Variants in RYR3 observed in about 807,000 individuals in gnomAD.
RYR3 encodes the protein brain ryanodine receptor-calcium release channel.
In RYR3, 207 loss-of-function variants were observed where a neutral mutation model predicts 584.3. The observed-to-expected ratio is 0.35, with a 90% confidence interval of 0.32 to 0.40. The LOEUF (loss-of-function observed/expected upper bound fraction) is 0.40, where lower values mean the gene tolerates loss of function less well. RYR3 is among the 10% of genes least tolerant of loss of function. RYR3 has a pLI of 1.00. For synonymous variants in RYR3, 2,416 were observed against 2,248.5 expected, an observed-to-expected ratio of 1.07 and a Z score of -2.11; for missense variants, 5,616 against 6,089.2, an observed-to-expected ratio of 0.92 and a Z score of 2.59.
chr15:33,694,075 A>C (rs2065646601), intron 38 of RYR3, among the ~76,000 whole-genome samples: 1 of 152,202 alleles, frequency 6.6e-6, no homozygotes, highest in Non-Finnish European at 1.5e-5. Flanking sequence ...GTAGACAGAC[A>C]CTGAAAGCCC....
intron 1 of RYR3, among the ~76,000 whole-genome samples, chr15:33,325,668 C>T (rs752675803): frequency 6.6e-6 from 1 of 151,360 alleles, no homozygotes; most frequent in African/African-American, 2.4e-5. Flanking sequence ...CTTTTCCTTT[C>T]CTGCCGCTTT....
At chr15:33,680,004 G>T (rs1444164770) in intron 38 of RYR3, among the ~76,000 whole-genome samples, 2 of 152,200 alleles carry the variant, frequency 1.3e-5, no homozygotes, top group South Asian at 4.1e-4. Flanking sequence ...TCAGGTAGAT[G>T]TGCTTAGATT....
At chr15:33,676,563 A>G (rs900575662) in intron 38 of RYR3, among the ~76,000 whole-genome samples, 7 of 152,244 alleles carry the variant, frequency 4.6e-5, no homozygotes, top group Admixed American at 2.0e-4. Context: ...GAGATGGTCA[A>G]GTGCATAATG....
intron 1 of RYR3, among the ~76,000 whole-genome samples, chr15:33,336,436 A>G (rs375779541): frequency 9.7e-4 from 17 of 17,498 alleles, no homozygotes; most frequent in South Asian, 2.3e-3. Flanking sequence ...GAAAGAAAGA[A>G]AGAAAGAGAG....
At chr15:33,645,335 A>G (rs577449448) in intron 28 of RYR3, among the ~76,000 whole-genome samples, 2 of 152,072 alleles carry the variant, frequency 1.3e-5, no homozygotes, top group South Asian at 2.1e-4. Flanking sequence ...GTGTTGATTT[A>G]AAAAAAATGC....
chr15:33,495,377 T>G (rs993968743), intron 2 of RYR3, among the ~76,000 whole-genome samples: 2 of 152,142 alleles, frequency 1.3e-5, no homozygotes, highest in Non-Finnish European at 2.9e-5. Context: ...ATTTAGGGTT[T>G]AAATGTTCAT....
chr15:33,470,231 T>C (rs1182842842), intron 1 of RYR3, among the ~76,000 whole-genome samples: 1 of 152,202 alleles, frequency 6.6e-6, no homozygotes, highest in Non-Finnish European at 1.5e-5. Context: ...TTGCTTATTA[T>C]TGCACCTTCT....
At chr15:33,368,216 C>A (rs980914596) in intron 1 of RYR3, among the ~76,000 whole-genome samples, 1 of 152,092 alleles carries the variant, frequency 6.6e-6, no homozygotes, top group African/African-American at 2.4e-5. Context: ...ACAAAAACAT[C>A]CCCACTGAGT....
chr15:33,722,952 A>G (rs2068059204), intron 44 of RYR3, 57 bp downstream of exon 44: 6 of 1,422,340 alleles, frequency 4.2e-6, no homozygotes, highest in Middle Eastern at 3.7e-4. Context: ...CTCAGATATT[A>G]TTGGTATACG....
intron 103 of RYR3, among the ~76,000 whole-genome samples, chr15:33,864,538 A>AATATGAAATAAGAAATTGTCT (rs1430871219): frequency 6.6e-6 from 1 of 152,220 alleles, no homozygotes; most frequent in Non-Finnish European, 1.5e-5. Flanking sequence ...AGTGAGAGAC[A>AATATGAAATAAGAAATTGTCT]GGCTAAGAAA....
At chr15:33,596,495 T>TTGGG (rs1460718397) in intron 16 of RYR3, among the ~76,000 whole-genome samples, 1 of 133,906 alleles carries the variant, frequency 7.5e-6, no homozygotes, top group Non-Finnish European at 1.6e-5. Flanking sequence ...GTTCTTTTTT[T>TTGGG]GGGGGGGGGG....
chr15:33,834,145 G>A (rs866974933), intron 86 of RYR3, among the ~76,000 whole-genome samples: 10 of 152,224 alleles, frequency 6.6e-5, no homozygotes, highest in Admixed American at 5.2e-4. Context: ...TCAGCCAGGC[G>A]TGGTGGCACA....
At chr15:33,581,700 C>T (rs748298) in intron 14 of RYR3, 57 bp downstream of exon 14, 147,177 of 1,472,252 alleles carry the variant, frequency 0.1, 10,362 homozygotes, top group African/African-American at 0.36. Flanking sequence ...TTTCCACGTG[C>T]AATCCCAAGA....
chr15:33,654,451 C>T (rs184904861), intron 32 of RYR3, among the ~76,000 whole-genome samples: 1 of 151,366 alleles, frequency 6.6e-6, no homozygotes, highest in East Asian at 1.9e-4. Flanking sequence ...GTCAAGGCTG[C>T]AGTGAGCCAT....
intron 14 of RYR3, among the ~76,000 whole-genome samples, chr15:33,582,268 C>T (rs1339210031): frequency 6.6e-6 from 1 of 152,150 alleles, no homozygotes; most frequent in East Asian, 1.9e-4. Flanking sequence ...AGGCGGCCAC[C>T]AGGAGTTGCT....
chr15:33,528,172 C>T (rs1437553763), intron 3 of RYR3, among the ~76,000 whole-genome samples: 1 of 152,092 alleles, frequency 6.6e-6, no homozygotes, highest in Non-Finnish European at 1.5e-5. Flanking sequence ...GTGACACTGT[C>T]CTTTCAAAAA....
chr15:33,809,066 T>C (rs781629457), intron 70 of RYR3, among the ~76,000 whole-genome samples: 2 of 152,210 alleles, frequency 1.3e-5, no homozygotes, highest in South Asian at 2.1e-4. Flanking sequence ...TTAATAATTA[T>C]GAAACTCTTT....
intron 52 of RYR3, among the ~76,000 whole-genome samples, chr15:33,745,397 A>C (rs1388854738): frequency 3.3e-5 from 5 of 152,066 alleles, no homozygotes; most frequent in African/African-American, 1.2e-4. Flanking sequence ...ATGTCTTGAG[A>C]AGGGACAGAA....
chr15:33,528,497 A>G (rs2054582594), intron 3 of RYR3, among the ~76,000 whole-genome samples: 1 of 152,126 alleles, frequency 6.6e-6, no homozygotes, highest in African/African-American at 2.4e-5. Context: ...GTCTATTTCA[A>G]TACTCTCTGC....
Sources: gnomAD v4.1 joint callset for allele counts (sites outside exome capture counted in the v4.1 genomes callset) on GRCh38, gnomAD v4.1.1 for gene constraint, MANE v1.5 for transcripts, NCBI Gene and HGNC (gene_info 2026-07-23, HGNC 2026-07-21) for gene names.